The following RANBP3 variants were observed in gnomAD, a reference collection of about 807,000 sequenced individuals.
The protein encoded by RANBP3 is ran-binding protein 3.
A neutral mutation model predicts 77.3 loss-of-function variants in RANBP3; 14 were observed. That is an observed-to-expected ratio of 0.18 (90% CI 0.12 to 0.28). The LOEUF (loss-of-function observed/expected upper bound fraction) is 0.28, where lower values mean the gene tolerates loss of function less well. Among genes scored for constraint, RANBP3 ranks in the 10% least tolerant of loss-of-function variants. RANBP3 has a pLI of 1.00. For missense variants in RANBP3, 586 were observed against 752.3 expected (o/e 0.78, Z 2.59); for synonymous variants, 315 against 312.4 (o/e 1.01, Z -0.09).
In RANBP3 at chr19:5,923,834, G is replaced by C. The variant is rs370519905; in HGVS notation, c.1077C>G (p.Ser359=). The change falls in exon 12 of 17, where the codon TCC becomes TCG. Residue 359 remains serine, a synonymous_variant. Transcript: ENST00000340578. Reference sequence around the variant, plus strand: ...TACCTTTCTCAGGGGTGGCCTCCTGGGACGAGGACTCAGACCCTGACTCGG... The same window carrying C: ...TACCTTTCTCAGGGGTGGCCTCCTGCGACGAGGACTCAGACCCTGACTCGG... The part of the protein sequence containing the change: ...AAAESGSESS[S]QEATPEKESL... The C allele has an allele frequency of 6.8e-6, 11 of 1,613,776 alleles. No homozygotes were observed. In the African/African-American group the frequency reaches 1.3e-4, roughly 20 times the overall value.
intron 3 of RANBP3, among the ~76,000 whole-genome samples, chr19:5,944,077 G>A (rs2058172806): frequency 6.6e-6 from 1 of 152,252 alleles, no homozygotes; most frequent in African/African-American, 2.4e-5. Flanking sequence ...TGAGGTGACA[G>A]GCAGGGCAGG....
At chr19:5,930,865 G>A (rs974472051) in intron 8 of RANBP3, among the ~76,000 whole-genome samples, 3 of 152,096 alleles carry the variant, frequency 2.0e-5, no homozygotes, top group African/African-American at 4.8e-5. Context: ...TACCGTGTCC[G>A]GCCTAAACAA....
chr19:5,975,080 A>C (rs1033525688), intron 1 of RANBP3, among the ~76,000 whole-genome samples: 2 of 152,258 alleles, frequency 1.3e-5, no homozygotes, highest in Non-Finnish European at 2.9e-5. Flanking sequence ...TAAAGCTTCA[A>C]AAGGCACAGG....
In RANBP3 at chr19:5,924,383, T is replaced by C. The variant is rs1342748307; in HGVS notation, c.996+444A>G. Among the ~76,000 whole-genome samples the C allele has an allele frequency of 6.6e-6, 1 of 152,168 alleles. No homozygotes were observed. Among genetic ancestry groups the C allele is most frequent in the Admixed American group, 6.5e-5 (1 of 15,288 alleles). On this transcript the variant is annotated intron_variant, in intron 11 of 16. Transcript: ENST00000340578. The surrounding 1 kb of genome is among the most constrained non-coding windows in gnomAD (Gnocchi z 4.7). ...GAACCCTCTCCCAGGCTGGCTGGGC[T>C]CCTGGGAACGGAGATGGGCCTTTCG...
At chr19:5,920,066 T>C (rs1401704530) in intron 14 of RANBP3, among the ~76,000 whole-genome samples, 1 of 152,084 alleles carries the variant, frequency 6.6e-6, no homozygotes, top group Non-Finnish European at 1.5e-5. Context: ...CCCATATTTA[T>C]GAAAAGGCCA....
intron 16 of RANBP3, 25 bp downstream of exon 16, chr19:5,917,769 C>A (rs560951828): frequency 1.1e-5 from 18 of 1,596,502 alleles, no homozygotes; most frequent in Admixed American, 3.4e-5. Flanking sequence ...TCTATCCCCC[C>A]CAGGGTAGGG....
chr19:5,962,722 G>A (rs1413687316), intron 1 of RANBP3: 1 of 455,910 alleles, frequency 2.2e-6, no homozygotes, highest in Admixed American at 2.3e-5. Context: ...CCAAAACACA[G>A]AGCGTCAGTT....
At chr19:5,953,747 A>AT (rs1265166528) in intron 2 of RANBP3, among the ~76,000 whole-genome samples, 1 of 152,248 alleles carries the variant, frequency 6.6e-6, no homozygotes, top group African/African-American at 2.4e-5. Flanking sequence ...CCCGGAAACA[A>AT]TGGTGCATGT....
intron 9 of RANBP3, 157 bp from the exon 10 acceptor site, chr19:5,925,894 G>A: frequency 1.6e-6 from 1 of 624,110 alleles, no homozygotes; most frequent in Admixed American, 2.5e-5. Flanking sequence ...TGTGCTGGGG[G>A]GCAGGGCTAT....
rs531529478 is a variant in RANBP3 at position 5,949,974 on chromosome 19, T to C, written c.282+1419A>G. Among the ~76,000 whole-genome samples, 63 of 152,296 alleles carry C rather than the reference T, an allele frequency of 4.1e-4. No homozygotes were observed. The South Asian group carries it at 0.013, about 31-fold the overall frequency. On this transcript the variant is annotated intron_variant, in intron 3 of 16. Coordinates refer to ENST00000340578, the MANE Select transcript of RANBP3 (RefSeq NM_007322.3). Reference sequence around the variant, plus strand: ...TGGAGAGTCCTATGTGGGCTGCATTTTTCAAACCCAGGCACCTGCAGAAGG... The same window carrying C: ...TGGAGAGTCCTATGTGGGCTGCATTCTTCAAACCCAGGCACCTGCAGAAGG...
intron 1 of RANBP3, among the ~76,000 whole-genome samples, chr19:5,960,745 G>T (rs962547725): frequency 2.6e-5 from 4 of 152,242 alleles, no homozygotes; most frequent in African/African-American, 9.6e-5. Context: ...CAGGTGCACG[G>T]AAGGGACTGC....
intron 9 of RANBP3, among the ~76,000 whole-genome samples, chr19:5,925,998 C>T (rs1375772408): frequency 6.6e-6 from 1 of 152,158 alleles, no homozygotes; most frequent in Non-Finnish European, 1.5e-5. Flanking sequence ...CAAAACCACG[C>T]CTTGTTATAA....
rs1159801037 is a variant in RANBP3 at position 5,916,263 on chromosome 19, G to C, written c.*1347C>G. On this transcript the variant is annotated 3_prime_UTR_variant, in exon 17 of 17. Transcript: ENST00000340578. ...CTAGCTGGCTAAGGCTTAAAGCAGA[G>C]ACGTGTGACTGGGTCTCTCGGGAGG... is the stretch of plus-strand genomic sequence containing the variant. 1 of 152,308 alleles carries C rather than the reference G, an allele frequency of 6.6e-6. No homozygotes were observed. The highest frequency in any genetic ancestry group is 1.5e-5 in the Non-Finnish European group (1 of 68,080). 9.4% of individuals were successfully genotyped at this position (152,308 alleles called of 1,614,324 possible). A position where few individuals can be genotyped will look rare whatever the true frequency, so the allele number is the denominator to read the frequency against.
chr19:5,925,563 C>T, intron 10 of RANBP3, 71 bp downstream of exon 10: 3 of 1,384,292 alleles, frequency 2.2e-6, no homozygotes, highest in Admixed American at 3.4e-5. Flanking sequence ...CCACAGACCC[C>T]TCTCTGGCAG....
intron 3 of RANBP3, among the ~76,000 whole-genome samples, chr19:5,943,127 G>A (rs909513699): frequency 3.9e-5 from 6 of 152,196 alleles, no homozygotes; most frequent in African/African-American, 1.4e-4. Context: ...AAAGCGCACC[G>A]ATGAGTGAGG....
At chr19:5,927,902 A>G (rs1420824659) in intron 9 of RANBP3, 66 bp downstream of exon 9, 1 of 1,544,628 alleles carries the variant, frequency 6.5e-7, no homozygotes, top group Non-Finnish European at 8.7e-7. Flanking sequence ...AAATCTACCT[A>G]CTTGCCTGCT....
At chr19:5,937,099 T>C (rs1599745837) in intron 5 of RANBP3, among the ~76,000 whole-genome samples, 1 of 95,656 alleles carries the variant, frequency 1.0e-5, no homozygotes, top group African/African-American at 3.8e-5. Flanking sequence ...GAAAATCCCA[T>C]GGGGCAGTCG....
chr19:5,927,868 C>T (rs553478313), intron 9 of RANBP3, 100 bp downstream of exon 9: 84 of 1,453,598 alleles, frequency 5.8e-5, no homozygotes, highest in African/African-American at 3.4e-4. Context: ...CTTTGTCCCA[C>T]GCTCCCCTCC....
At chr19:5,962,842 G>A in intron 1 of RANBP3, 1 of 435,536 alleles carries the variant, frequency 2.3e-6, no homozygotes, top group Non-Finnish European at 4.7e-6. Context: ...CCGCCCCACT[G>A]CCCCCGACCA....
Sources: gnomAD v4.1 joint callset for allele counts (sites outside exome capture counted in the v4.1 genomes callset) on GRCh38, gnomAD v4.1.1 for gene constraint, Gnocchi (gnomAD v3.1) non-coding constraint, MANE v1.5 for transcripts, NCBI Gene and HGNC (gene_info 2026-07-23, HGNC 2026-07-21) for gene names.